The following STX8 variants were observed in gnomAD, a reference collection of about 807,000 sequenced individuals.
STX8 encodes the protein syntaxin 8, also known as syntaxin-8.
A neutral mutation model predicts 37.5 loss-of-function variants in STX8; 23 were observed. The observed-to-expected ratio is 0.61, with a 90% confidence interval of 0.44 to 0.87. The LOEUF is 0.87. STX8 is among the 40% of genes least tolerant of loss of function. The pLI is 0.00. For synonymous variants in STX8, 115 were observed against 99.1 expected (o/e 1.16, Z -0.95); for missense variants, 313 against 284.7 (o/e 1.10, Z -0.71).
chr17:9,460,667 C>T (rs865788611), intron 6 of STX8, among the ~76,000 whole-genome samples: 2 of 97,842 alleles, frequency 2.0e-5, no homozygotes, highest in South Asian at 8.9e-4. Flanking sequence ...GAGTGAGACT[C>T]TGTCTCAAAA....
At chr17:9,524,987 T>G (rs192205479) in intron 4 of STX8, among the ~76,000 whole-genome samples, 1 of 152,234 alleles carries the variant, frequency 6.6e-6, no homozygotes, top group African/African-American at 2.4e-5. Context: ...TTTTGTATTT[T>G]GGGTAGAGAT....
intron 3 of STX8, among the ~76,000 whole-genome samples, chr17:9,547,976 A>G (rs1473762849): frequency 1.3e-5 from 2 of 151,736 alleles, no homozygotes; most frequent in Non-Finnish European, 2.9e-5. Flanking sequence ...GGTTTTTTTG[A>G]GAGACAGGAT....
At chr17:9,306,352 T>C (rs1245123700) in intron 7 of STX8, among the ~76,000 whole-genome samples, 1 of 152,064 alleles carries the variant, frequency 6.6e-6, no homozygotes, top group African/African-American at 2.4e-5. Flanking sequence ...AGTTACTCAC[T>C]TAGGGAAGGA....
At chr17:9,501,766 G>A (rs1477899720) in intron 5 of STX8, among the ~76,000 whole-genome samples, 1 of 152,012 alleles carries the variant, frequency 6.6e-6, no homozygotes, top group East Asian at 1.9e-4. Flanking sequence ...GAGGTCAGGA[G>A]ATCGAAACCA....
rs1906134025 is a variant in STX8 at position 9,538,163 on chromosome 17, C to T, written c.323+7009G>A. Among the ~76,000 whole-genome samples, 4 of 152,288 alleles carry T rather than the reference C, an allele frequency of 2.6e-5. No homozygotes were observed. In the South Asian group the frequency reaches 8.3e-4, roughly 32 times the overall value. Reference sequence around the variant, plus strand: ...TGGGGTTCAACTGCCCCTACACTCACGTAGAGGACAAAGCAAATCTGTACT... The same window carrying T: ...TGGGGTTCAACTGCCCCTACACTCATGTAGAGGACAAAGCAAATCTGTACT... On this transcript the variant is annotated intron_variant, in intron 4 of 7. Transcript: ENST00000306357.
chr17:9,462,479 T>C (rs929977167), intron 6 of STX8, among the ~76,000 whole-genome samples: 37 of 152,118 alleles, frequency 2.4e-4, no homozygotes, highest in Admixed American at 1.3e-4. Flanking sequence ...CCAAGTACTT[T>C]GGGAGGCCGA....
At chr17:9,298,174 G>A (rs1001918036) in intron 7 of STX8, among the ~76,000 whole-genome samples, 9 of 152,168 alleles carry the variant, frequency 5.9e-5, no homozygotes, top group Admixed American at 3.9e-4. Flanking sequence ...TGTTTCTGAC[G>A]TGGGAGCATG....
intron 6 of STX8, among the ~76,000 whole-genome samples, chr17:9,388,518 A>C (rs1300216850): frequency 6.7e-6 from 1 of 149,136 alleles, no homozygotes; most frequent in African/African-American, 2.5e-5. Context: ...AAACATATAC[A>C]TTTTTTCGGG....
intron 4 of STX8, among the ~76,000 whole-genome samples, chr17:9,530,636 T>C (rs1300951346): frequency 6.6e-6 from 1 of 152,234 alleles, no homozygotes; most frequent in East Asian, 1.9e-4. Context: ...AATTCAAGTC[T>C]TTTGCCTATG....
chr17:9,387,073 T>A (rs1388947360), intron 6 of STX8, among the ~76,000 whole-genome samples: 1 of 152,086 alleles, frequency 6.6e-6, no homozygotes, highest in Non-Finnish European at 1.5e-5. Flanking sequence ...ATAATTTTCC[T>A]CATATATCTC....
intron 7 of STX8, among the ~76,000 whole-genome samples, chr17:9,253,305 G>T (rs145530443): frequency 6.6e-6 from 1 of 151,966 alleles, no homozygotes; most frequent in Non-Finnish European, 1.5e-5. Context: ...GTATGCGTAT[G>T]TGTGTGTATG....
chr17:9,262,384 C>T (rs1907069846), intron 7 of STX8, among the ~76,000 whole-genome samples: 1 of 152,124 alleles, frequency 6.6e-6, no homozygotes, highest in Admixed American at 6.5e-5. Flanking sequence ...GGTTCAGTCA[C>T]AGTAATGGTA....
At chr17:9,338,187 G>A (rs2142227065) in intron 7 of STX8, among the ~76,000 whole-genome samples, 1 of 151,520 alleles carries the variant, frequency 6.6e-6, no homozygotes, top group East Asian at 2.0e-4. Flanking sequence ...CAGAGTAGCT[G>A]GGATTACAGG....
chr17:9,479,724 A>T (rs1462532923), intron 6 of STX8, among the ~76,000 whole-genome samples: 2 of 151,900 alleles, frequency 1.3e-5, no homozygotes, highest in Non-Finnish European at 2.9e-5. Flanking sequence ...GTAGCAAATT[A>T]AGTAATTTTA....
intron 7 of STX8, among the ~76,000 whole-genome samples, chr17:9,351,451 C>T (rs1044149103): frequency 6.6e-6 from 1 of 151,988 alleles, no homozygotes; most frequent in Non-Finnish European, 1.5e-5. Context: ...GCCACGGCGC[C>T]CGGCCTATTC....
At chr17:9,478,768 T>C (rs1050128852) in intron 6 of STX8, among the ~76,000 whole-genome samples, 2 of 152,122 alleles carry the variant, frequency 1.3e-5, no homozygotes, top group African/African-American at 4.8e-5. Flanking sequence ...AGCCTTTTGA[T>C]TTCTCCAGCT....
At chr17:9,274,748 T>C (rs1239457681) in intron 7 of STX8, among the ~76,000 whole-genome samples, 2 of 125,982 alleles carry the variant, frequency 1.6e-5, no homozygotes, top group Admixed American at 8.1e-5. Flanking sequence ...CAATTTCTTT[T>C]TTCTTTTTTT....
intron 7 of STX8, among the ~76,000 whole-genome samples, chr17:9,271,812 T>C (rs551416158): frequency 3.3e-5 from 5 of 151,636 alleles, no homozygotes; most frequent in African/African-American, 9.7e-5. Context: ...TAGAAACCTG[T>C]TTTAACAAGC....
intron 7 of STX8, among the ~76,000 whole-genome samples, chr17:9,266,098 A>G (rs1907223919): frequency 6.6e-6 from 1 of 152,198 alleles, no homozygotes; most frequent in South Asian, 2.1e-4. Context: ...GGAAACTGCC[A>G]TCCTTAAACG....
Sources: allele counts gnomAD v4.1 joint callset (sites outside exome capture counted in the v4.1 genomes callset), GRCh38; gene constraint gnomAD v4.1.1; transcripts MANE v1.5; gene names NCBI Gene and HGNC (gene_info 2026-07-23, HGNC 2026-07-21).